RPS28: variants seen among roughly 807,000 people sequenced by gnomAD.
RPS28 encodes ribosomal protein S28.
In RPS28, 2 loss-of-function variants were observed where a neutral mutation model predicts 9.4. The ratio of observed to expected loss-of-function variants is 0.21; its 90% confidence interval spans 0.09 to 0.67. RPS28 has a LOEUF of 0.67. RPS28 is among the 30% of genes least tolerant of loss of function. The pLI, the probability that RPS28 is intolerant of heterozygous loss-of-function variation, is 0.82. For synonymous variants in RPS28, 41 were observed against 37.8 expected (o/e 1.08, Z -0.31); for missense variants, 35 against 95.3 (o/e 0.37, Z 2.63).
At chr19:8,321,595 G>T in intron 1 of RPS28, 26 bp downstream of exon 1, 1 of 1,568,928 alleles carries the variant, frequency 6.4e-7, no homozygotes. Flanking sequence ...GAATTTGGGG[G>T]CAGGGGGAGG....
At position 8,321,589 on chromosome 19, in the gene RPS28, T is replaced by TA. The variant is rs1568566480; in HGVS notation, c.39+20_39+21insA. On this transcript the variant is annotated intron_variant, in intron 1 of 3. Coordinates refer to ENST00000600659, the MANE Select transcript of RPS28 (RefSeq NM_001031.5). The stretch of plus-strand genomic sequence containing the variant: ...GCCAGGGTGAGGTGGGGGCCCGAAT[T>TA]TGGGGGCAGGGGGAGGGATTAGAGG... 1 of 1,572,844 alleles carries TA rather than the reference T, an allele frequency of 6.4e-7. No homozygotes were observed. Among genetic ancestry groups the TA allele is most frequent in the East Asian group, 2.3e-5 (1 of 43,738 alleles).
chr19:8,321,892 T>A, intron 2 of RPS28, 61 bp from the exon 3 acceptor site: 1 of 1,599,554 alleles, frequency 6.3e-7, no homozygotes, highest in Non-Finnish European at 8.5e-7. Context: ...TGCTTCCCAC[T>A]CCGCGGTGCC....
Position 8,321,589 on chromosome 19 carries a change from T to A in RPS28, c.39+20T>A, listed in dbSNP as rs73495502. On this transcript the variant is annotated intron_variant, in intron 1 of 3. Transcript: ENST00000600659. ...GCCAGGGTGAGGTGGGGGCCCGAATTTGGGGGCAGGGGGAGGGATTAGAGG... is the reference window on the plus strand; with the variant it reads ...GCCAGGGTGAGGTGGGGGCCCGAATATGGGGGCAGGGGGAGGGATTAGAGG... The A allele has an allele frequency of 2.5e-5, 39 of 1,572,726 alleles. No individual in the cohort carries two copies. The highest frequency in any genetic ancestry group is 5.2e-6 in the Non-Finnish European group (6 of 1,160,878).
At position 8,322,906 on chromosome 19, in the gene RPS28, C is replaced by T. The variant is rs1413875429; in HGVS notation, c.*651C>T. ...TTCACCAGGTGTGGCTGTCTGGGAG[C>T]CAGGGGGTGACTCGCTCTGGAGAGA... On this transcript the variant is annotated 3_prime_UTR_variant, in exon 4 of 4. Coordinates refer to ENST00000600659, the MANE Select transcript of RPS28 (RefSeq NM_001031.5). 2 of 1,544,142 alleles carry T rather than the reference C, an allele frequency of 1.3e-6. No individual in the cohort carries two copies. The highest frequency in any genetic ancestry group is 8.7e-7 in the Non-Finnish European group (1 of 1,145,148).
chr19:8,322,190 T>A (rs1339147641), intron 3 of RPS28, 82 bp from the exon 4 acceptor site: 1 of 1,319,230 alleles, frequency 7.6e-7, no homozygotes, highest in Non-Finnish European at 1.1e-6. Context: ...AGAGTCTACA[T>A]ACAGAGACTG....
chr19:8,322,175 G>A lies in RPS28; in HGVS notation c.*16+84G>A, dbSNP rs1006935278. 51 of 1,464,606 alleles carry A rather than the reference G, an allele frequency of 3.5e-5. No homozygotes were observed. In the South Asian group the frequency reaches 5.7e-4, roughly 16 times the overall value. 90.7% of individuals were successfully genotyped at this position (1,464,606 alleles called of 1,614,324 possible). On this transcript the variant is annotated intron_variant, in intron 3 of 3. Coordinates refer to ENST00000600659, the MANE Select transcript of RPS28 (RefSeq NM_001031.5). The stretch of plus-strand genomic sequence containing the variant: ...TTAAGCCCAGGGTGAGAGGGTTTGG[G>A]AGGCAGAGTCTACATACAGAGACTG...
Position 8,322,913 on chromosome 19 carries a change from G to T in RPS28, c.*658G>T. 6.5e-7 allele frequency: 1 copy of T among 1,539,372 alleles called. No homozygotes were observed. ...GGTGTGGCTGTCTGGGAGCCAGGGG[G>T]TGACTCGCTCTGGAGAGAGGGGAAA... On this transcript the variant is annotated 3_prime_UTR_variant, in exon 4 of 4. Transcript: ENST00000600659.
chr19:8,321,513 C>G lies in RPS28; in HGVS notation c.-18C>G, dbSNP rs997449314. On this transcript the variant is annotated 5_prime_UTR_variant, in exon 1 of 4. Transcript: ENST00000600659. ...AGCACGTGACTCCTCTCCGCCAGAC[C>G]GCCGCCGCGCCGCCATCATGGACAC... is the stretch of plus-strand genomic sequence containing the variant. The G allele has an allele frequency of 1.9e-6, 3 of 1,575,808 alleles. No individual in the cohort carries two copies. Among genetic ancestry groups the G allele is most frequent in the Admixed American group, 1.8e-5 (1 of 54,598 alleles).
At position 8,322,447 on chromosome 19, in the gene RPS28, G is replaced by A. The variant is rs1416090745; in HGVS notation, c.*192G>A. The stretch of plus-strand genomic sequence containing the variant: ...ACTAGGGTTTCTCCAGGTTTCTTGA[G>A]TGGCTCCCAGGCGGTCACCGATCCT... On this transcript the variant is annotated 3_prime_UTR_variant, in exon 4 of 4. Coordinates refer to ENST00000600659, the MANE Select transcript of RPS28 (RefSeq NM_001031.5). The A allele has an allele frequency of 9.3e-6, 5 of 538,806 alleles. No individual in the cohort carries two copies. Among genetic ancestry groups the A allele is most frequent in the Admixed American group, 2.2e-5 (1 of 44,676 alleles). The allele number at this position is 538,806 out of a possible 1,614,324, so 33.4% of individuals were successfully genotyped here. A position where few individuals can be genotyped will look rare whatever the true frequency, so the allele number is the denominator to read the frequency against.
At position 8,322,292 on chromosome 19, in the gene RPS28, A is replaced by C; in HGVS notation, c.*37A>C. 1 of 701,046 alleles carries C rather than the reference A, an allele frequency of 1.4e-6. No homozygotes were observed. The highest frequency in any genetic ancestry group is 2.6e-6 in the Non-Finnish European group (1 of 387,008). The allele number at this position is 701,046 out of a possible 1,614,324, so 43.4% of individuals were successfully genotyped here. On this transcript the variant is annotated 3_prime_UTR_variant, in exon 4 of 4. Coordinates refer to ENST00000600659, the MANE Select transcript of RPS28 (RefSeq NM_001031.5). ...TACAGGGTCTTGGATGTCGGGTTCG[A>C]CCACTTGGCCGATGGGAATGGTCTG...
Position 8,322,564 on chromosome 19 carries a change from C to T in RPS28, c.*309C>T, listed in dbSNP as rs1970336734. Reference sequence around the variant, plus strand: ...TCGTGTTTGTCGATTGCACCCTCTACCCCAAACAAAACACAAGCGTAGTAG... The same window carrying T: ...TCGTGTTTGTCGATTGCACCCTCTATCCCAAACAAAACACAAGCGTAGTAG... On this transcript the variant is annotated 3_prime_UTR_variant, in exon 4 of 4. Transcript: ENST00000600659. The T allele has an allele frequency of 1.9e-6, 1 of 518,844 alleles. No homozygotes were observed. The highest frequency in any genetic ancestry group is 3.5e-6 in the Non-Finnish European group (1 of 287,794). 32.1% of individuals were successfully genotyped at this position (518,844 alleles called of 1,614,324 possible).
chr19:8,322,199 T>C (rs1970328694), intron 3 of RPS28, 73 bp from the exon 4 acceptor site: 1 of 1,256,148 alleles, frequency 8.0e-7, no homozygotes. Flanking sequence ...ATACAGAGAC[T>C]GACAAGAGGG....
intron 2 of RPS28, 31 bp from the exon 3 acceptor site, chr19:8,321,922 C>CT: frequency 6.2e-7 from 1 of 1,610,520 alleles, no homozygotes; most frequent in African/African-American, 1.3e-5. Context: ...CCCGCCCTTA[C>CT]TTCTTCCTCC....
Position 8,322,790 on chromosome 19 carries a change from GA to G in RPS28, c.*536del. 7.1e-7 allele frequency: 1 copy of G among 1,405,032 alleles called. No homozygotes were observed. The highest frequency in any genetic ancestry group is 1.0e-6 in the Non-Finnish European group (1 of 996,080). 87.0% of individuals were successfully genotyped at this position (1,405,032 alleles called of 1,614,324 possible). A position where few individuals can be genotyped will look rare whatever the true frequency, so the allele number is the denominator to read the frequency against. On this transcript the variant is annotated 3_prime_UTR_variant, in exon 4 of 4. Coordinates refer to ENST00000600659, the MANE Select transcript of RPS28 (RefSeq NM_001031.5). ...CTGTGCGCCAAAGGCTGAGGTGACT[GA>G]CGAGGAGATCTCCCCACAGCTAGGT...
Position 8,322,325 on chromosome 19 carries a change from C to G in RPS28, c.*70C>G. On this transcript the variant is annotated 3_prime_UTR_variant, in exon 4 of 4. Coordinates refer to ENST00000600659, the MANE Select transcript of RPS28 (RefSeq NM_001031.5). ...GCCGATGGGAATGGTCTGTCACAGT[C>G]TGCTCCTTTTTTTTGTCCGCCACAC... The G allele has an allele frequency of 3.0e-6, 2 of 662,042 alleles. No individual in the cohort carries two copies. The highest frequency in any genetic ancestry group is 5.6e-6 in the Non-Finnish European group (2 of 358,746). 41.0% of individuals were successfully genotyped at this position (662,042 alleles called of 1,614,324 possible).
At position 8,321,499 on chromosome 19, in the gene RPS28, C is replaced by G. The variant is rs201008233; in HGVS notation, c.-32C>G. The stretch of plus-strand genomic sequence containing the variant: ...AAGGCTCTCCCCGAAGCACGTGACT[C>G]CTCTCCGCCAGACCGCCGCCGCGCC... On this transcript the variant is annotated 5_prime_UTR_variant, in exon 1 of 4. Transcript: ENST00000600659. The G allele has an allele frequency of 1.9e-6, 3 of 1,568,288 alleles. No individual in the cohort carries two copies. The highest frequency in any genetic ancestry group is 2.7e-5 in the African/African-American group (2 of 74,008).
At position 8,323,009 on chromosome 19, in the gene RPS28, G is replaced by A; in HGVS notation, c.*754G>A. 2 of 754,834 alleles carry A rather than the reference G, an allele frequency of 2.6e-6. No homozygotes were observed. Among genetic ancestry groups the A allele is most frequent in the Non-Finnish European group, 4.1e-6 (2 of 488,970 alleles). The allele number at this position is 754,834 out of a possible 1,614,324, so 46.8% of individuals were successfully genotyped here. ...TCAGCCCCAGCCTCACTTAGTGGAG[G>A]TTCTTTTACCATGGACCCAGGCTGC... On this transcript the variant is annotated 3_prime_UTR_variant, in exon 4 of 4. Transcript: ENST00000600659.
chr19:8,322,405 C>T lies in RPS28; in HGVS notation c.*150C>T. On this transcript the variant is annotated 3_prime_UTR_variant, in exon 4 of 4. Transcript: ENST00000600659. ...TTTGTGTTTCAAGTTAACTCAGGTT[C>T]TTGTCTGGGTTATACGACTAGGGTT... is the stretch of plus-strand genomic sequence containing the variant. The T allele has an allele frequency of 1.8e-6, 1 of 556,310 alleles. No homozygotes were observed. The highest frequency in any genetic ancestry group is 3.4e-6 in the Non-Finnish European group (1 of 293,714). The allele number at this position is 556,310 out of a possible 1,614,324, so 34.5% of individuals were successfully genotyped here.
At position 8,322,908 on chromosome 19, in the gene RPS28, AG is replaced by A; in HGVS notation, c.*658del. The stretch of plus-strand genomic sequence containing the variant: ...CACCAGGTGTGGCTGTCTGGGAGCC[AG>A]GGGGTGACTCGCTCTGGAGAGAGGG... On this transcript the variant is annotated 3_prime_UTR_variant, in exon 4 of 4. Transcript: ENST00000600659. 7 of 1,544,762 alleles carry A rather than the reference AG, an allele frequency of 4.5e-6. No individual in the cohort carries two copies. The highest frequency in any genetic ancestry group is 2.0e-5 in the Admixed American group (1 of 49,642).
Sources: allele counts gnomAD v4.1 joint callset, GRCh38; gene constraint gnomAD v4.1.1; transcripts MANE v1.5; gene names NCBI Gene and HGNC (gene_info 2026-07-23, HGNC 2026-07-21).